Variants in PAX8 observed in about 807,000 individuals in gnomAD.
The protein encoded by PAX8 is paired box protein Pax-8.
A neutral mutation model predicts 52.4 loss-of-function variants in PAX8; 15 were observed. The ratio of observed to expected loss-of-function variants is 0.29; its 90% confidence interval spans 0.19 to 0.44. The LOEUF (loss-of-function observed/expected upper bound fraction) is 0.44. PAX8 is among the 20% of genes least tolerant of loss of function. The probability of loss-of-function intolerance (pLI) is 1.00; values close to 1 mark genes in which losing one functional copy is unlikely to be tolerated. For missense variants in PAX8, 554 were observed against 602.5 expected, an observed-to-expected ratio of 0.92 and a Z score of 0.84; for synonymous variants, 284 against 249.7, an observed-to-expected ratio of 1.14 and a Z score of -1.29.
chr2:113,268,084 C>G (rs138840777), intron 2 of PAX8: 142 of 152,476 alleles, frequency 9.3e-4, no homozygotes, highest in African/African-American at 3.2e-3. Flanking sequence ...CTAATCCCCC[C>G]GGTTGTCTGT....
intron 8 of PAX8, 130 bp downstream of exon 8, chr2:113,236,471 C>T: frequency 9.2e-7 from 1 of 1,083,580 alleles, no homozygotes; most frequent in Non-Finnish European, 1.3e-6. Flanking sequence ...CCCCTGGGCC[C>T]ACCTGGCGGC....
intron 10 of PAX8, chr2:113,226,139 C>G (rs951347599): frequency 2.5e-5 from 25 of 985,550 alleles, no homozygotes; most frequent in Non-Finnish European, 3.0e-5. Flanking sequence ...GAGATCCCAG[C>G]CCACCTGCCT....
chr2:113,228,747 A>G (rs1319953161), intron 9 of PAX8, among the ~76,000 whole-genome samples: 1 of 152,132 alleles, frequency 6.6e-6, no homozygotes, highest in Non-Finnish European at 1.5e-5. Flanking sequence ...CTGTTAACCA[A>G]CTTACCAAAT....
chr2:113,225,109 A>G (rs868263941), intron 10 of PAX8, among the ~76,000 whole-genome samples: 1 of 152,216 alleles, frequency 6.6e-6, no homozygotes, highest in Non-Finnish European at 1.5e-5. Context: ...TTCCTTATCC[A>G]TAAAACTGGG....
rs759552011 is a variant in PAX8, at chr2:113,278,334, G to T, written c.25+36C>A. The T allele has an allele frequency of 6.7e-6, 10 of 1,487,542 alleles. No individual in the cohort carries two copies. The Middle Eastern group carries it at 5.1e-4, about 76-fold the overall frequency. The allele number at this position is 1,487,542 out of a possible 1,614,324, so 92.1% of individuals were successfully genotyped here. The stretch of plus-strand genomic sequence containing the variant: ...CGCACGCACGGACGCTCAGCGGCGC[G>T]GGGGCTCGGGGATCCTGACCACACC... On this transcript the variant is annotated intron_variant, in intron 2 of 11. Transcript: ENST00000429538.
At chr2:113,226,774 G>T in intron 10 of PAX8, 1 of 1,193,016 alleles carries the variant, frequency 8.4e-7, no homozygotes, top group Non-Finnish European at 1.1e-6. Flanking sequence ...AGCACTGCTT[G>T]AGGGTAGGGT....
At chr2:113,266,023 T>G (rs892671936) in intron 2 of PAX8, 1 of 152,120 alleles carries the variant, frequency 6.6e-6, no homozygotes, top group African/African-American at 2.4e-5. Context: ...AGTGAGTGCT[T>G]CTTTAGGAGC....
At position 113,225,194 on chromosome 2, in the gene PAX8, T is replaced by A. The variant is rs573955216; in HGVS notation, c.1189+1961A>T. On this transcript the variant is annotated intron_variant, in intron 10 of 11. Coordinates refer to ENST00000429538, the MANE Select transcript of PAX8 (RefSeq NM_003466.4). Reference sequence around the variant, plus strand: ...TTATACATATTTGAATGGCTAGACATGCAAAAGTACATAATAAGTGATCAC... The same window carrying A: ...TTATACATATTTGAATGGCTAGACAAGCAAAAGTACATAATAAGTGATCAC... Among the ~76,000 whole-genome samples the A allele has an allele frequency of 4.6e-5, 7 of 152,354 alleles. No individual in the cohort carries two copies. In the East Asian group the frequency reaches 1.3e-3, roughly 29 times the overall value.
Position 113,236,621 on chromosome 2 carries a change from TG to T in PAX8, c.877del (p.Gln293ArgfsTer15). On this transcript the variant is annotated frameshift_variant, in exon 8 of 12. Coordinates refer to ENST00000429538, the MANE Select transcript of PAX8 (RefSeq NM_003466.4). LOFTEE classifies it high-confidence loss of function. ...TGTACCTGCCACCACGGGGTAGGTC[TG>T]GTGAGTCGAGAGGTTGCGCCCCAGT... ...TPLGRNLSTH[Q>X]TYPVVADPHS... is the part of the protein sequence containing the mutation. The T allele has an allele frequency of 6.3e-7, 1 of 1,588,548 alleles. No individual in the cohort carries two copies. The highest frequency in any genetic ancestry group is 8.6e-7 in the Non-Finnish European group (1 of 1,168,156).
chr2:113,241,825 G>A (rs1195423910), intron 6 of PAX8, 99 bp from the exon 7 acceptor site: 4 of 1,507,762 alleles, frequency 2.7e-6, no homozygotes, highest in Admixed American at 1.7e-5. Flanking sequence ...CACTGTGGAG[G>A]GAGAAAAAGG....
At chr2:113,272,808 C>A (rs914129256) in intron 2 of PAX8, 1 of 152,196 alleles carries the variant, frequency 6.6e-6, no homozygotes, top group Non-Finnish European at 1.5e-5. Context: ...GAACTCTACA[C>A]CCTCTAAGAG....
At chr2:113,264,027 A>C (rs1384926797) in intron 2 of PAX8, among the ~76,000 whole-genome samples, 3 of 152,344 alleles carry the variant, frequency 2.0e-5, no homozygotes. Flanking sequence ...TATGTCTACT[A>C]TGTGCTAGAT....
At chr2:113,232,982 C>T (rs946457966) in intron 9 of PAX8, among the ~76,000 whole-genome samples, 1 of 151,642 alleles carries the variant, frequency 6.6e-6, no homozygotes, top group Non-Finnish European at 1.5e-5. Context: ...TGCAGGCTTG[C>T]GTAACTCCCT....
chr2:113,272,619 C>T (rs1333041291), intron 2 of PAX8: 1 of 152,150 alleles, frequency 6.6e-6, no homozygotes, highest in Non-Finnish European at 1.5e-5. Flanking sequence ...TTTCAGGAGC[C>T]AAGAGACTCC....
intron 11 of PAX8, among the ~76,000 whole-genome samples, chr2:113,219,305 C>T (rs899530935): frequency 6.6e-6 from 1 of 152,120 alleles, no homozygotes; most frequent in Non-Finnish European, 1.5e-5. Flanking sequence ...GCAATGGTGC[C>T]TGTGGGGTTG....
At chr2:113,255,494 T>C (rs191151493) in intron 2 of PAX8, 1 of 152,496 alleles carries the variant, frequency 6.6e-6, no homozygotes, top group African/African-American at 2.4e-5. Flanking sequence ...AGGGTATGAA[T>C]GCAGAGGTCT....
intron 5 of PAX8, 107 bp downstream of exon 5, chr2:113,242,582 AG>A: frequency 7.3e-6 from 6 of 826,728 alleles, no homozygotes; most frequent in Non-Finnish European, 1.3e-5. Flanking sequence ...TACTGTGCAC[AG>A]CTATGTCTGT....
chr2:113,225,941 G>A (rs1689541836), intron 10 of PAX8: 8 of 950,740 alleles, frequency 8.4e-6, no homozygotes, highest in Non-Finnish European at 1.0e-5. Flanking sequence ...CGCTCCAGAA[G>A]AGGAAGGGAG....
chr2:113,241,467 T>C (rs1690834314), intron 7 of PAX8, 84 bp downstream of exon 7: 4 of 1,377,366 alleles, frequency 2.9e-6, no homozygotes, highest in African/African-American at 1.4e-5. Context: ...TCCAGCTGCT[T>C]TGATGGAGCA....
Sources: allele counts gnomAD v4.1 joint callset (sites outside exome capture counted in the v4.1 genomes callset), GRCh38; gene constraint gnomAD v4.1.1; transcripts MANE v1.5; gene names NCBI Gene and HGNC (gene_info 2026-07-23, HGNC 2026-07-21).